SAC3D1: variants seen among roughly 807,000 people sequenced by gnomAD.
SAC3D1 encodes the protein SAC3 domain-containing protein 1.
SAC3D1 carries 10 observed loss-of-function variants against 12.7 expected under a neutral mutation model. That is an observed-to-expected ratio of 0.79 (90% CI 0.49 to 1.34). SAC3D1 has a LOEUF of 1.34. SAC3D1 is among the 40% of genes most tolerant of loss of function. The pLI, the probability that SAC3D1 is intolerant of heterozygous loss-of-function variation, is 0.00. For synonymous variants in SAC3D1, 241 were observed against 250.8 expected, an observed-to-expected ratio of 0.96 and a Z score of 0.37; for missense variants, 482 against 531.1, an observed-to-expected ratio of 0.91 and a Z score of 0.91.
At chr11:65,043,624 A>G (rs1299298556) in intron 1 of SAC3D1, among the ~76,000 whole-genome samples, 4 of 140,860 alleles carry the variant, frequency 2.8e-5, no homozygotes, top group Non-Finnish European at 4.6e-5. Context: ...TCAAAAAAAA[A>G]AAAAAAAAAA....
Position 65,044,379 on chromosome 11 carries a change from T to C in SAC3D1, c.729T>C (p.Ser243=), listed in dbSNP as rs767147664. The C allele has an allele frequency of 1.4e-5, 23 of 1,613,462 alleles. No homozygotes were observed. The South Asian group carries it at 2.1e-4, about 15-fold the overall frequency. ...TCCAGACCCTGCCCTACCTGCCAAG[T>C]TGCGCTGTGCAGTGCCATGTGGGCC... The part of the protein sequence containing the change: ...RLLQTLPYLP[S]CAVQCHVGHA... Residue 243 remains serine (S), a synonymous_variant, in exon 2 of 2, where the codon AGT becomes AGC. Transcript: ENST00000652489. This position sits in a 1 kb window ranked among gnomAD's most constrained non-coding sequence, Gnocchi z 4.0.
At position 65,041,388 on chromosome 11, in the gene SAC3D1, G is replaced by A; in HGVS notation, c.96G>A (p.Leu32=). The A allele has an allele frequency of 6.6e-7, 1 of 1,508,516 alleles. No individual in the cohort carries two copies. The highest frequency in any genetic ancestry group is 8.8e-7 in the Non-Finnish European group (1 of 1,135,610). 93.4% of individuals were successfully genotyped at this position (1,508,516 alleles called of 1,614,324 possible). ...AAAGGGAGCACCGCCTGCACCGCTTGGAGGTGGTGCCGGGTTGCCGCCAGG... is the reference window on the plus strand; with the variant it reads ...AAAGGGAGCACCGCCTGCACCGCTTAGAGGTGGTGCCGGGTTGCCGCCAGG... ...QREREHRLHR[L]EVVPGCRQDP... Residue 32 remains leucine, a synonymous_variant, in exon 1 of 2, where the codon TTG becomes TTA. Transcript: ENST00000652489.
chr11:65,043,264 C>T, intron 1 of SAC3D1: 2 of 187,586 alleles, frequency 1.1e-5, no homozygotes, highest in South Asian at 6.8e-5. Flanking sequence ...AGTGGCAGGA[C>T]CATGATTTTC....
rs188198018 is a variant in SAC3D1, at chr11:65,044,133, C to A, written c.575-92C>A. The A allele has an allele frequency of 4.0e-5, 59 of 1,465,462 alleles. No individual in the cohort carries two copies. In the African/African-American group the frequency reaches 6.3e-4, roughly 16 times the overall value. The allele number at this position is 1,465,462 out of a possible 1,614,324, so 90.8% of individuals were successfully genotyped here. A position where few individuals can be genotyped will look rare whatever the true frequency, so the allele number is the denominator to read the frequency against. ...GCTAGGCCTAGAGAAGGGGCGTGGT[C>A]GAGGAGAGAGGAAGGACAGGGTGTT... On this transcript the variant is annotated intron_variant, in intron 1 of 1. Coordinates refer to ENST00000652489, the MANE Select transcript of SAC3D1 (RefSeq NM_013299.4). This position sits in a 1 kb window ranked among gnomAD's most constrained non-coding sequence, Gnocchi z 4.0.
chr11:65,041,625 C>G lies in SAC3D1; in HGVS notation c.333C>G (p.Asp111Glu). The G allele has an allele frequency of 6.9e-7, 1 of 1,459,324 alleles. No individual in the cohort carries two copies. The highest frequency in any genetic ancestry group is 3.0e-5 in the East Asian group (1 of 33,326). The allele number at this position is 1,459,324 out of a possible 1,614,324, so 90.4% of individuals were successfully genotyped here. ...VADRLRAVLLDLALQGAGDAE... is the reference protein window; with the variant it reads ...VADRLRAVLLELALQGAGDAE... ...ACCGCTTGCGAGCTGTGCTCCTGGA[C>G]CTGGCGCTGCAGGGAGCGGGCGACG... Residue 111 changes from aspartate (D) to glutamate (E), a missense_variant, in exon 1 of 2, where the codon GAC becomes GAG. Asp to Glu is a conservative substitution (Grantham distance 45). Around this residue, in one of 3 missense-constraint regions of SAC3D1, gnomAD observed 197 missense variants for 183.2 expected, o/e 1.08. Transcript: ENST00000652489.
chr11:65,044,372 T>C lies in SAC3D1; in HGVS notation c.722T>C (p.Leu241Pro), dbSNP rs1195787016. 2.5e-6 allele frequency: 4 copies of C among 1,613,520 alleles called. No individual in the cohort carries two copies. Among genetic ancestry groups the C allele is most frequent in the African/African-American group, 1.3e-5 (1 of 75,052 alleles). Residue 241 changes from leucine (L) to proline (P), a missense_variant, in exon 2 of 2, where the codon CTG becomes CCG. Leu to Pro is a moderately conservative substitution (Grantham distance 98). Around this residue, in one of 3 missense-constraint regions of SAC3D1, gnomAD observed 225 missense variants for 241.1 expected, o/e 0.93. Transcript: ENST00000652489. This position sits in a 1 kb window ranked among gnomAD's most constrained non-coding sequence, Gnocchi z 4.0. ...LFRLLQTLPY[L>P]PSCAVQCHVG... Reference sequence around the variant, plus strand: ...CGTCTGCTCCAGACCCTGCCCTACCTGCCAAGTTGCGCTGTGCAGTGCCAT... The same window carrying C: ...CGTCTGCTCCAGACCCTGCCCTACCCGCCAAGTTGCGCTGTGCAGTGCCAT...
At chr11:65,042,211 C>T (rs773352262) in intron 1 of SAC3D1, among the ~76,000 whole-genome samples, 5 of 151,794 alleles carry the variant, frequency 3.3e-5, no homozygotes, top group Non-Finnish European at 7.4e-5. Flanking sequence ...GATTCTTCTG[C>T]CTCAGCCTCC....
chr11:65,042,040 T>C, intron 1 of SAC3D1, 174 bp downstream of exon 1: 1 of 850,042 alleles, frequency 1.2e-6, no homozygotes, highest in Non-Finnish European at 1.6e-6. Context: ...GGGTCTTAGT[T>C]GTCTCAGGAA....
rs1380533484 is a variant in SAC3D1, at chr11:65,041,647, G to A, written c.355G>A (p.Asp119Asn). Residue 119 changes from aspartate (D) to asparagine (N), a missense_variant, in exon 1 of 2, where the codon GAC becomes AAC. Physicochemically the swap from Asp to Asn is conservative, Grantham distance 23. Coordinates refer to ENST00000652489, the MANE Select transcript of SAC3D1 (RefSeq NM_013299.4). ...LLDLALQGAG[D>N]AEAAVVLEAA... ...GGACCTGGCGCTGCAGGGAGCGGGCGACGCCGAGGCAGCTGTGGTGCTGGA... is the reference window on the plus strand; with the variant it reads ...GGACCTGGCGCTGCAGGGAGCGGGCAACGCCGAGGCAGCTGTGGTGCTGGA... 6.2e-6 allele frequency: 9 copies of A among 1,445,032 alleles called. No homozygotes were observed. The African/African-American group carries it at 1.2e-4, about 19-fold the overall frequency. The allele number at this position is 1,445,032 out of a possible 1,614,324, so 89.5% of individuals were successfully genotyped here.
chr11:65,042,232 G>A (rs1946621411), intron 1 of SAC3D1, among the ~76,000 whole-genome samples: 1 of 151,898 alleles, frequency 6.6e-6, no homozygotes, highest in East Asian at 1.9e-4. Context: ...TGAGTAGCTG[G>A]GATCACAGGC....
chr11:65,041,353 G>A lies in SAC3D1; in HGVS notation c.61G>A (p.Ala21Thr), dbSNP rs756082534. 2 of 1,509,508 alleles carry A rather than the reference G, an allele frequency of 1.3e-6. No individual in the cohort carries two copies. The highest frequency in any genetic ancestry group is 1.4e-5 in the African/African-American group (1 of 69,390). 93.5% of individuals were successfully genotyped at this position (1,509,508 alleles called of 1,614,324 possible). ...CPDMCPAAERAQREREHRLHR... is the reference protein window; with the variant it reads ...CPDMCPAAERTQREREHRLHR... ...GGACATGTGCCCGGCCGCCGAGCGC[G>A]CCCAGCGCGAAAGGGAGCACCGCCT... Residue 21 changes from alanine (A) to threonine (T), a missense_variant, in exon 1 of 2, where the codon GCC (alanine) becomes ACC (threonine). This residue lies in a region of SAC3D1 where 197 missense variants were observed against 183.2 expected (regional missense o/e 1.08). Transcript: ENST00000652489.
In SAC3D1 at chr11:65,044,272, C is replaced by T. The variant is rs746182579; in HGVS notation, c.622C>T (p.Arg208Cys). ...HEVLQLPAAL[R>C]ACPPLRKALA... Reference sequence around the variant, plus strand: ...GGTTCTACAGCTGCCTGCTGCCCTGCGCGCCTGCCCGCCCCTCCGCAAGGC... The same window carrying T: ...GGTTCTACAGCTGCCTGCTGCCCTGTGCGCCTGCCCGCCCCTCCGCAAGGC... Residue 208 changes from arginine (R) to cysteine (C), a missense_variant, in exon 2 of 2, where the codon CGC (arginine) becomes TGC (cysteine). Transcript: ENST00000652489. The surrounding 1 kb of genome is among the most constrained non-coding windows in gnomAD (Gnocchi z 4.0). 45 of 1,613,008 alleles carry T rather than the reference C, an allele frequency of 2.8e-5. No individual in the cohort carries two copies. The highest frequency in any genetic ancestry group is 1.6e-4 in the East Asian group (7 of 44,884).
In SAC3D1 at chr11:65,041,303, G is replaced by C. The variant is rs752287911; in HGVS notation, c.11G>C (p.Cys4Ser). 2 of 1,504,042 alleles carry C rather than the reference G, an allele frequency of 1.3e-6. No homozygotes were observed. Among genetic ancestry groups the C allele is most frequent in the Non-Finnish European group, 1.8e-6 (2 of 1,134,132 alleles). 93.2% of individuals were successfully genotyped at this position (1,504,042 alleles called of 1,614,324 possible). ...CCCCGCAGCCCCCTCATGCCCGGCT[G>C]CGAGCTGCCCGTGGGCACCTGCCCG... MPG[C>S]ELPVGTCPDM... Residue 4 changes from cysteine to serine, a missense_variant, in exon 1 of 2, where the codon TGC (cysteine) becomes TCC (serine). By Grantham distance (112) the Cys-to-Ser change is moderately radical. This residue lies in a region of SAC3D1 where 197 missense variants were observed against 183.2 expected (regional missense o/e 1.08). Coordinates refer to ENST00000652489, the MANE Select transcript of SAC3D1 (RefSeq NM_013299.4).
At chr11:65,041,182 C>A (rs1357691088), upstream of SAC3D1, 11 of 1,070,992 alleles carry the variant, frequency 1.0e-5, 1 homozygote, top group South Asian at 1.3e-4. Context: ...CAGACAGGTT[C>A]AGCCCCGCCC....
intron 1 of SAC3D1, 177 bp downstream of exon 1, chr11:65,042,043 C>G (rs1946616168): frequency 1.2e-6 from 1 of 836,436 alleles, no homozygotes; most frequent in Non-Finnish European, 1.6e-6. Context: ...TCTTAGTTGT[C>G]TCAGGAATAA....
chr11:65,044,821 T>C lies in SAC3D1; in HGVS notation c.*94T>C. On this transcript the variant is annotated 3_prime_UTR_variant, in exon 2 of 2. Transcript: ENST00000652489. The surrounding 1 kb of genome is among the most constrained non-coding windows in gnomAD (Gnocchi z 4.0). Reference sequence around the variant, plus strand: ...TCCAGGTAATAAAAGGAACTTGTTTTGTTGGTACCAGTCACTAGATGTGAT... The same window carrying C: ...TCCAGGTAATAAAAGGAACTTGTTTCGTTGGTACCAGTCACTAGATGTGAT... 11 of 1,350,806 alleles carry C rather than the reference T, an allele frequency of 8.1e-6. No individual in the cohort carries two copies. The highest frequency in any genetic ancestry group is 1.1e-5 in the Non-Finnish European group (11 of 1,007,340). The allele number at this position is 1,350,806 out of a possible 1,614,324, so 83.7% of individuals were successfully genotyped here.
rs1946593705 is a variant in SAC3D1 at position 65,041,394 on chromosome 11, G to T, written c.102G>T (p.Val34=). 2.7e-6 allele frequency: 4 copies of T among 1,507,446 alleles called. No homozygotes were observed. In the African/African-American group the frequency reaches 5.8e-5, roughly 22 times the overall value. The allele number at this position is 1,507,446 out of a possible 1,614,324, so 93.4% of individuals were successfully genotyped here. A position where few individuals can be genotyped will look rare whatever the true frequency, so the allele number is the denominator to read the frequency against. ...EREHRLHRLE[V]VPGCRQDPPR... ...AGCACCGCCTGCACCGCTTGGAGGTGGTGCCGGGTTGCCGCCAGGACCCGC... is the reference window on the plus strand; with the variant it reads ...AGCACCGCCTGCACCGCTTGGAGGTTGTGCCGGGTTGCCGCCAGGACCCGC... Residue 34 remains valine (V), a synonymous_variant, in exon 1 of 2, where the codon GTG becomes GTT. Transcript: ENST00000652489.
Position 65,041,450 on chromosome 11 carries a change from A to G in SAC3D1, c.158A>G (p.Glu53Gly). ...GCGGATCCGCAGCGCGCGGTGAAGGAGTACAGCCGACCCGCCGCCGGCAAG... is the reference window on the plus strand; with the variant it reads ...GCGGATCCGCAGCGCGCGGTGAAGGGGTACAGCCGACCCGCCGCCGGCAAG... The part of the protein sequence containing the change: ...PRADPQRAVK[E>G]YSRPAAGKPR... Residue 53 changes from glutamate (E) to glycine (G), a missense_variant, in exon 1 of 2, where the codon GAG becomes GGG. This residue lies in a region of SAC3D1 where 197 missense variants were observed against 183.2 expected (regional missense o/e 1.08). Coordinates refer to ENST00000652489, the MANE Select transcript of SAC3D1 (RefSeq NM_013299.4). 6.7e-7 allele frequency: 1 copy of G among 1,489,460 alleles called. No individual in the cohort carries two copies. The highest frequency in any genetic ancestry group is 8.9e-7 in the Non-Finnish European group (1 of 1,126,318). 92.3% of individuals were successfully genotyped at this position (1,489,460 alleles called of 1,614,324 possible). A position where few individuals can be genotyped will look rare whatever the true frequency, so the allele number is the denominator to read the frequency against.
Position 65,041,484 on chromosome 11 carries a change from C to G in SAC3D1, c.192C>G (p.Pro64=). 1 of 1,471,954 alleles carries G rather than the reference C, an allele frequency of 6.8e-7. No homozygotes were observed. The highest frequency in any genetic ancestry group is 1.3e-5 in the South Asian group (1 of 77,034). 91.2% of individuals were successfully genotyped at this position (1,471,954 alleles called of 1,614,324 possible). A position where few individuals can be genotyped will look rare whatever the true frequency, so the allele number is the denominator to read the frequency against. Reference sequence around the variant, plus strand: ...GACCCGCCGCCGGCAAGCCCCGGCCCCCGCCCAGCCAGTTGCGTCCGCCCT... The same window carrying G: ...GACCCGCCGCCGGCAAGCCCCGGCCGCCGCCCAGCCAGTTGCGTCCGCCCT... The part of the protein sequence containing the change: ...YSRPAAGKPR[P]PPSQLRPPSV... Residue 64 remains proline (P), a synonymous_variant, in exon 1 of 2, where the codon CCC becomes CCG. Transcript: ENST00000652489.
Sources: gnomAD v4.1 joint callset for allele counts (sites outside exome capture counted in the v4.1 genomes callset) on GRCh38, gnomAD v4.1.1 for gene constraint, gnomAD v4.1.1 regional missense constraint, Gnocchi (gnomAD v3.1) non-coding constraint, MANE v1.5 for transcripts, NCBI Gene and HGNC (gene_info 2026-07-23, HGNC 2026-07-21) for gene names.